The following OCA2 variants were observed in gnomAD, a reference collection of about 807,000 sequenced individuals.
OCA2 encodes the protein P protein.
In OCA2, 77 loss-of-function variants were observed where a neutral mutation model predicts 100.2. That is an observed-to-expected ratio of 0.77 (90% CI 0.64 to 0.93). The LOEUF is 0.93. Among genes scored for constraint, OCA2 ranks in the 40% least tolerant of loss-of-function variants. The pLI is 0.00. For synonymous variants in OCA2, 432 were observed against 439.2 expected, an observed-to-expected ratio of 0.98 and a Z score of 0.21; for missense variants, 1,062 against 1,089.1, an observed-to-expected ratio of 0.98 and a Z score of 0.35.
intron 9 of OCA2, among the ~76,000 whole-genome samples, chr15:27,998,890 T>C (rs12906778): frequency 0.56 from 77,934 of 138,248 alleles, 24,511 homozygotes; most frequent in Non-Finnish European, 0.75. Context: ...TGAGTTCATG[T>C]CCTTTGTAGG....
chr15:27,832,357 G>A (rs1000540716), intron 23 of OCA2, among the ~76,000 whole-genome samples: 7 of 152,202 alleles, frequency 4.6e-5, no homozygotes, highest in Non-Finnish European at 1.0e-4. Flanking sequence ...CTTTGTAAAA[G>A]AAAAATCGCA....
intron 9 of OCA2, among the ~76,000 whole-genome samples, chr15:27,999,105 C>T (rs536809476): frequency 4.2e-4 from 64 of 151,798 alleles, no homozygotes; most frequent in East Asian, 1.2e-3. Flanking sequence ...TGCTAAATGA[C>T]GAGTTAATGG....
At chr15:27,875,822 G>A (rs1023700997) in intron 19 of OCA2, among the ~76,000 whole-genome samples, 9 of 151,498 alleles carry the variant, frequency 5.9e-5, no homozygotes, top group African/African-American at 9.7e-5. Context: ...CCAATTATGC[G>A]CTAGAATATG....
At chr15:27,960,519 G>A (rs1236209262) in intron 15 of OCA2, among the ~76,000 whole-genome samples, 1 of 152,052 alleles carries the variant, frequency 6.6e-6, no homozygotes, top group African/African-American at 2.4e-5. Flanking sequence ...AATTCTTATT[G>A]TTCCTTAGTA....
the OCA2 span, among the ~76,000 whole-genome samples, chr15:27,738,865 T>A: frequency 6.6e-6 from 1 of 152,102 alleles, no homozygotes; most frequent in African/African-American, 2.4e-5. Context: ...TTCCTTTATG[T>A]GTGTTGTACA....
chr15:27,729,605 G>C, the OCA2 span, among the ~76,000 whole-genome samples: 7 of 152,116 alleles, frequency 4.6e-5, no homozygotes, highest in Non-Finnish European at 7.4e-5. Context: ...CTCAACAACA[G>C]GGTCTCCCTA....
intron 9 of OCA2, among the ~76,000 whole-genome samples, chr15:28,004,291 T>C (rs1373802170): frequency 2.7e-5 from 4 of 149,634 alleles, no homozygotes; most frequent in Non-Finnish European, 4.4e-5. Flanking sequence ...CTGTGGCAGC[T>C]GTCCCCGTGG....
At chr15:27,741,365 G>A in the OCA2 span, among the ~76,000 whole-genome samples, 6 of 152,188 alleles carry the variant, frequency 3.9e-5, no homozygotes, top group African/African-American at 7.2e-5. Flanking sequence ...ACCTGCAAGC[G>A]TCCCAAAGGC....
chr15:28,090,742 A>C (rs1254816634), intron 1 of OCA2, among the ~76,000 whole-genome samples: 1 of 152,172 alleles, frequency 6.6e-6, no homozygotes, highest in African/African-American at 2.4e-5. Context: ...AAGGAGAGCA[A>C]GTCTCAAAAA....
intron 23 of OCA2, among the ~76,000 whole-genome samples, chr15:27,840,978 A>G (rs1356006429): frequency 1.3e-5 from 2 of 152,218 alleles, no homozygotes; most frequent in African/African-American, 4.8e-5. Context: ...TTGTATAAGA[A>G]CCTGTTAAGT....
intron 23 of OCA2, among the ~76,000 whole-genome samples, chr15:27,816,604 G>A (rs1182402241): frequency 6.6e-6 from 1 of 152,040 alleles, no homozygotes; most frequent in African/African-American, 2.4e-5. Context: ...GTGCCCCATG[G>A]CTCTACTGTC....
At chr15:27,791,968 C>T (rs1478804108) in intron 23 of OCA2, among the ~76,000 whole-genome samples, 2 of 152,304 alleles carry the variant, frequency 1.3e-5, no homozygotes, top group Non-Finnish European at 2.9e-5. Context: ...TCTGTTGCAC[C>T]TTATGGGCTC....
At chr15:28,061,970 T>C (rs1369090532) in intron 2 of OCA2, among the ~76,000 whole-genome samples, 8 of 152,248 alleles carry the variant, frequency 5.3e-5, no homozygotes, top group Non-Finnish European at 1.2e-4. Context: ...CATTCATGAA[T>C]TGATGGGCAA....
chr15:27,851,487 G>C lies in OCA2; in HGVS notation c.2245-12C>G, dbSNP rs778521332. 1.2e-6 allele frequency: 2 copies of C among 1,609,138 alleles called. No homozygotes were observed. Among genetic ancestry groups the C allele is most frequent in the Non-Finnish European group, 8.5e-7 (1 of 1,176,938 alleles). ...AGGAGCACGGGAATCTGTGGAGGAAGAGGACATTGATGCCACGTCCCATGG... is the reference window on the plus strand; with the variant it reads ...AGGAGCACGGGAATCTGTGGAGGAACAGGACATTGATGCCACGTCCCATGG... On this transcript the variant is annotated splice_polypyrimidine_tract_variant and intron_variant, in intron 21 of 23. Transcript: ENST00000354638.
At chr15:27,983,584 G>A in intron 13 of OCA2, 101 bp from the exon 14 acceptor site, 1 of 1,245,210 alleles carries the variant, frequency 8.0e-7, no homozygotes, top group South Asian at 1.2e-5. Context: ...GTATAAGGGA[G>A]GCGCGCACAC....
At chr15:28,081,952 G>T in intron 1 of OCA2, 57 bp from the exon 2 acceptor site, 1 of 1,395,838 alleles carries the variant, frequency 7.2e-7, no homozygotes, top group Non-Finnish European at 9.9e-7. Context: ...ACTAACGTTT[G>T]CACCTTGGGA....
In OCA2 at chr15:27,786,852, G is replaced by A. The variant is rs1213645636; in HGVS notation, c.2433-31380C>T. On this transcript the variant is annotated intron_variant, in intron 23 of 23. Transcript: ENST00000354638. ...CATGAGCACAATCTTGAATCAAAGTGGCAAGTTTCAATCCGAGGGAAAACA... is the reference window on the plus strand; with the variant it reads ...CATGAGCACAATCTTGAATCAAAGTAGCAAGTTTCAATCCGAGGGAAAACA... Among the ~76,000 whole-genome samples, 4 of 152,178 alleles carry A rather than the reference G, an allele frequency of 2.6e-5. No homozygotes were observed. The East Asian group carries it at 5.8e-4, about 22-fold the overall frequency.
intron 19 of OCA2, among the ~76,000 whole-genome samples, chr15:27,889,495 G>A (rs752265429): frequency 6.6e-5 from 10 of 152,156 alleles, no homozygotes; most frequent in South Asian, 2.1e-4. Context: ...AGAGGCAGCC[G>A]GGCAGGTGCT....
chr15:27,900,354 TATAA>T (rs1297826703), intron 19 of OCA2, among the ~76,000 whole-genome samples: 2 of 152,070 alleles, frequency 1.3e-5, no homozygotes, highest in Non-Finnish European at 2.9e-5. Flanking sequence ...CCCACCTCCT[TATAA>T]ATAATCATGT....
Sources: gnomAD v4.1 joint callset for allele counts (sites outside exome capture counted in the v4.1 genomes callset) on GRCh38, gnomAD v4.1.1 for gene constraint, MANE v1.5 for transcripts, NCBI Gene and HGNC (gene_info 2026-07-23, HGNC 2026-07-21) for gene names.